FGGY: variants seen among roughly 807,000 people sequenced by gnomAD.
FGGY encodes the protein FGGY carbohydrate kinase domain-containing protein.
In FGGY, 72 loss-of-function variants were observed where a neutral mutation model predicts 71.3. The ratio of observed to expected loss-of-function variants is 1.01; its 90% CI spans 0.84 to 1.23. The LOEUF is 1.23. FGGY is among the 50% of genes most tolerant of loss of function. The pLI is 0.00. For synonymous variants in FGGY, 251 were observed against 250.3 expected (o/e 1.00, Z -0.02); for missense variants, 668 against 682.3 (o/e 0.98, Z 0.23).
In FGGY at chr1:59,587,225, G is replaced by C. The variant is rs113073262; in HGVS notation, c.904-20578G>C. ...GCAGTCTGAGATCAAACTGCAAGGC[G>C]GCAGCAAGGCTGGGGGAGGGGCGCC... is the stretch of plus-strand genomic sequence containing the variant. On this transcript the variant is annotated intron_variant, in intron 8 of 15. Transcript: ENST00000303721. Among the ~76,000 whole-genome samples, 11 of 152,294 alleles carry C rather than the reference G, an allele frequency of 7.2e-5. No homozygotes were observed. The East Asian group carries it at 1.2e-3, about 16-fold the overall frequency.
intron 5 of FGGY, among the ~76,000 whole-genome samples, chr1:59,438,057 ATAG>A (rs1328817087): frequency 6.6e-6 from 1 of 152,186 alleles, no homozygotes; most frequent in Non-Finnish European, 1.5e-5. Context: ...ACTGCTACTG[ATAG>A]TAGCTATTGT....
chr1:59,548,464 T>C (rs2095559248), intron 7 of FGGY, among the ~76,000 whole-genome samples: 1 of 152,166 alleles, frequency 6.6e-6, no homozygotes, highest in Non-Finnish European at 1.5e-5. Context: ...ATCCAAATTC[T>C]TCAGATATGG....
At chr1:59,390,486 A>G (rs1045491920) in intron 5 of FGGY, among the ~76,000 whole-genome samples, 3 of 152,182 alleles carry the variant, frequency 2.0e-5, no homozygotes, top group Admixed American at 1.3e-4. Context: ...GGAAGAAGGA[A>G]GTGGGTGTGG....
intron 7 of FGGY, among the ~76,000 whole-genome samples, chr1:59,536,401 C>A (rs1482126616): frequency 6.6e-6 from 1 of 152,154 alleles, no homozygotes; most frequent in Non-Finnish European, 1.5e-5. Context: ...ACCAGAGGTA[C>A]AAGGAGTAAG....
chr1:59,729,133 C>A (rs1332649802), intron 14 of FGGY, among the ~76,000 whole-genome samples: 4 of 151,860 alleles, frequency 2.6e-5, no homozygotes, highest in Admixed American at 2.0e-4. Flanking sequence ...TTCACTGATT[C>A]TTTCCTTGTC....
chr1:59,431,663 C>T lies in FGGY; in HGVS notation c.555-25298C>T, dbSNP rs576332323. ...CCAAAGTGGCTTTCAACCACAGCTT[C>T]CTTCAAGGCAGCAAGATGGAGAATA... On this transcript the variant is annotated intron_variant, in intron 5 of 15. Coordinates refer to ENST00000303721, the MANE Select transcript of FGGY (RefSeq NM_018291.5). Among the ~76,000 whole-genome samples, 4 of 152,312 alleles carry T rather than the reference C, an allele frequency of 2.6e-5. No individual in the cohort carries two copies. The East Asian group carries it at 5.8e-4, about 22-fold the overall frequency.
chr1:59,678,432 G>A (rs923193356), intron 14 of FGGY, among the ~76,000 whole-genome samples: 8 of 152,138 alleles, frequency 5.3e-5, no homozygotes, highest in African/African-American at 1.7e-4. Flanking sequence ...CCAGGTCCTG[G>A]AAAATCAATA....
At chr1:59,377,459 A>C (rs186435854) in intron 4 of FGGY, among the ~76,000 whole-genome samples, 98 of 152,238 alleles carry the variant, frequency 6.4e-4, no homozygotes, top group Non-Finnish European at 1.1e-3. Flanking sequence ...AAACCATGAG[A>C]TCTTGTGAGA....
chr1:59,318,199 A>G (rs907889149), intron 1 of FGGY, among the ~76,000 whole-genome samples: 3 of 152,198 alleles, frequency 2.0e-5, no homozygotes, highest in African/African-American at 7.2e-5. Flanking sequence ...AATGGGAGTG[A>G]TCATAGTTAT....
At chr1:59,625,458 A>AT (rs2096847120) in intron 9 of FGGY, among the ~76,000 whole-genome samples, 1 of 151,800 alleles carries the variant, frequency 6.6e-6, no homozygotes, top group Admixed American at 6.6e-5. Context: ...GGGCATCTCA[A>AT]TTTTTTTTAA....
chr1:59,697,276 A>G (rs1473100116), intron 14 of FGGY, among the ~76,000 whole-genome samples: 1 of 152,194 alleles, frequency 6.6e-6, no homozygotes, highest in East Asian at 1.9e-4. Context: ...TTGTGCAACC[A>G]TCACCACCAT....
At chr1:59,365,473 C>T (rs545623504) in intron 4 of FGGY, among the ~76,000 whole-genome samples, 1 of 152,294 alleles carries the variant, frequency 6.6e-6, no homozygotes, top group South Asian at 2.1e-4. Context: ...TAGATGGTAC[C>T]ACCCACAAGG....
intron 6 of FGGY, among the ~76,000 whole-genome samples, chr1:59,499,347 C>T (rs943305910): frequency 1.2e-4 from 15 of 129,076 alleles, no homozygotes; most frequent in African/African-American, 4.1e-4. Flanking sequence ...ACTAAGCGGA[C>T]GACAGGGAGG....
rs776472424 is a variant in FGGY, at chr1:59,321,582, C to CT, written c.34dup (p.Tyr12LeufsTer31). 2.5e-6 allele frequency: 4 copies of CT among 1,613,758 alleles called. No homozygotes were observed. Among genetic ancestry groups the CT allele is most frequent in the Non-Finnish European group, 2.5e-6 (3 of 1,179,872 alleles). On this transcript the variant is annotated frameshift_variant, in exon 2 of 16. Transcript: ENST00000303721. LOFTEE classifies it high-confidence loss of function. ...GTGGAGAACAGAAACCAGAGAGGTACTATGTGGGTGTGGACGTTGGAACAG... is the reference window on the plus strand; with the variant it reads ...GTGGAGAACAGAAACCAGAGAGGTACTTATGTGGGTGTGGACGTTGGAACAG...
chr1:59,659,796 G>A (rs2097257719), intron 11 of FGGY, among the ~76,000 whole-genome samples: 1 of 152,172 alleles, frequency 6.6e-6, no homozygotes, highest in African/African-American at 2.4e-5. Context: ...GACACTGAAT[G>A]CTGTTACACT....
At chr1:59,307,907 T>C (rs889655312) in intron 1 of FGGY, among the ~76,000 whole-genome samples, 1 of 152,156 alleles carries the variant, frequency 6.6e-6, no homozygotes, top group Non-Finnish European at 1.5e-5. Context: ...TTTGTTCCTA[T>C]CAAGAACAAC....
At chr1:59,477,197 A>C (rs1171618289) in intron 6 of FGGY, among the ~76,000 whole-genome samples, 1 of 152,052 alleles carries the variant, frequency 6.6e-6, no homozygotes, top group East Asian at 1.9e-4. Context: ...TCTTCTGCTT[A>C]GCTTTTCTTG....
chr1:59,401,578 A>G (rs1354129489), intron 5 of FGGY, among the ~76,000 whole-genome samples: 2 of 152,204 alleles, frequency 1.3e-5, no homozygotes, highest in Admixed American at 1.3e-4. Context: ...GAGATACGGA[A>G]AATGTTGTGA....
chr1:59,590,460 C>T (rs1354790055), intron 8 of FGGY, among the ~76,000 whole-genome samples: 1 of 152,160 alleles, frequency 6.6e-6, no homozygotes, highest in Non-Finnish European at 1.5e-5. Context: ...CATCCTGATA[C>T]CAAAGCCTGG....
Sources: gnomAD v4.1 joint callset for allele counts (sites outside exome capture counted in the v4.1 genomes callset) on GRCh38, gnomAD v4.1.1 for gene constraint, MANE v1.5 for transcripts, NCBI Gene and HGNC (gene_info 2026-07-23, HGNC 2026-07-21) for gene names.